Variants in FAF1 observed in about 807,000 individuals in gnomAD.
FAF1 encodes the protein FAS-associated factor 1.
Under a neutral mutation model 92.5 loss-of-function variants are expected in FAF1, and 25 were observed. That is an observed-to-expected ratio of 0.27 (90% CI 0.20 to 0.38). The LOEUF is 0.38. FAF1 is among the 10% of genes least tolerant of loss of function. The probability of loss-of-function intolerance (pLI) is 1.00; values close to 1 mark genes in which losing one functional copy is unlikely to be tolerated. For missense variants in FAF1, 636 were observed against 793.3 expected, an observed-to-expected ratio of 0.80 and a Z score of 2.38; for synonymous variants, 234 against 273.2, an observed-to-expected ratio of 0.86 and a Z score of 1.42.
At chr1:50,508,913 A>C (rs903703556) in intron 15 of FAF1, among the ~76,000 whole-genome samples, 1 of 152,166 alleles carries the variant, frequency 6.6e-6, no homozygotes, top group Non-Finnish European at 1.5e-5. Context: ...CATGTTGGCC[A>C]AGCTGGTCTC....
chr1:50,670,277 G>C (rs549513091), intron 7 of FAF1, among the ~76,000 whole-genome samples: 28 of 152,034 alleles, frequency 1.8e-4, no homozygotes, highest in Admixed American at 1.8e-3. Flanking sequence ...TTGTAGCGAT[G>C]GGATTTCGCC....
chr1:50,730,976 G>A (rs1258937194), intron 6 of FAF1, among the ~76,000 whole-genome samples: 1 of 152,166 alleles, frequency 6.6e-6, no homozygotes, highest in Non-Finnish European at 1.5e-5. Flanking sequence ...GCTTCCTATT[G>A]TGTTATATTG....
intron 6 of FAF1, among the ~76,000 whole-genome samples, chr1:50,709,959 G>A (rs951455660): frequency 1.3e-5 from 2 of 152,164 alleles, no homozygotes; most frequent in African/African-American, 4.8e-5. Context: ...GTTCAGAAAC[G>A]ACGATGGGGG....
chr1:50,914,203 G>C (rs1317423225), intron 1 of FAF1, among the ~76,000 whole-genome samples: 1 of 152,062 alleles, frequency 6.6e-6, no homozygotes, highest in East Asian at 1.9e-4. Flanking sequence ...ATCAGAACCT[G>C]GTATTAACAG....
At chr1:50,532,691 T>C (rs1448116303) in intron 15 of FAF1, among the ~76,000 whole-genome samples, 3 of 152,188 alleles carry the variant, frequency 2.0e-5, no homozygotes, top group Non-Finnish European at 2.9e-5. Context: ...TTTATAGCAA[T>C]AGAAGATACC....
intron 1 of FAF1, among the ~76,000 whole-genome samples, chr1:50,941,487 G>C (rs919250788): frequency 1.3e-5 from 2 of 152,142 alleles, no homozygotes; most frequent in African/African-American, 4.8e-5. Context: ...AAACTGTTGA[G>C]ATTACAGGCA....
intron 8 of FAF1, among the ~76,000 whole-genome samples, chr1:50,645,326 T>C (rs543556963): frequency 6.2e-4 from 94 of 152,356 alleles, no homozygotes; most frequent in African/African-American, 2.2e-3. Flanking sequence ...GTGTATGCAA[T>C]ATAAAGAAGG....
chr1:50,634,497 C>T (rs1385265449), intron 8 of FAF1, among the ~76,000 whole-genome samples: 1 of 152,100 alleles, frequency 6.6e-6, no homozygotes, highest in Non-Finnish European at 1.5e-5. Context: ...AACACAAATG[C>T]CAGAGATTAA....
intron 1 of FAF1, among the ~76,000 whole-genome samples, chr1:50,906,346 T>C (rs1049518277): frequency 1.3e-5 from 2 of 152,256 alleles, no homozygotes; most frequent in Admixed American, 1.3e-4. Context: ...GGCTTACTAT[T>C]GTCTTGGCAA....
intron 17 of FAF1, among the ~76,000 whole-genome samples, chr1:50,481,801 T>A (rs1646707135): frequency 6.6e-6 from 1 of 151,802 alleles, no homozygotes; most frequent in African/African-American, 2.4e-5. Context: ...CTAAAAGAAG[T>A]ATATTATAGG....
intron 6 of FAF1, among the ~76,000 whole-genome samples, chr1:50,713,944 T>C (rs1658061277): frequency 6.6e-6 from 1 of 151,480 alleles, no homozygotes; most frequent in Non-Finnish European, 1.5e-5. Flanking sequence ...CTAATTTTTT[T>C]GTATTTTTAG....
chr1:50,575,494 A>G (rs1477968779), intron 12 of FAF1, among the ~76,000 whole-genome samples: 5 of 152,222 alleles, frequency 3.3e-5, no homozygotes, highest in African/African-American at 1.2e-4. Context: ...AGCATTTAAT[A>G]AATAGTGGTT....
chr1:50,913,340 A>G (rs1448861336), intron 1 of FAF1, among the ~76,000 whole-genome samples: 1 of 152,232 alleles, frequency 6.6e-6, no homozygotes, highest in Non-Finnish European at 1.5e-5. Context: ...TAATTGCCTC[A>G]TCATCCGTAC....
intron 8 of FAF1, among the ~76,000 whole-genome samples, chr1:50,598,878 G>A (rs1193525298): frequency 2.0e-5 from 3 of 152,074 alleles, no homozygotes; most frequent in Admixed American, 6.5e-5. Context: ...GCTGAGGCAG[G>A]AGAATTGCTT....
intron 1 of FAF1, among the ~76,000 whole-genome samples, chr1:50,903,518 T>C (rs114614699): frequency 8.2e-4 from 125 of 152,322 alleles, no homozygotes; most frequent in Non-Finnish European, 1.2e-3. Flanking sequence ...CTTTAGTATA[T>C]GTATAAATTA....
At chr1:50,934,477 C>G (rs971666218) in intron 1 of FAF1, among the ~76,000 whole-genome samples, 1 of 152,156 alleles carries the variant, frequency 6.6e-6, no homozygotes, top group Admixed American at 6.5e-5. Flanking sequence ...AATTCTAGCA[C>G]TTTGGGAGGC....
At chr1:50,617,694 T>G (rs1317517709) in intron 8 of FAF1, among the ~76,000 whole-genome samples, 1 of 85,188 alleles carries the variant, frequency 1.2e-5, no homozygotes, top group Non-Finnish European at 2.3e-5. Flanking sequence ...TCCTCTTCTG[T>G]TTTTTTTTTT....
intron 7 of FAF1, among the ~76,000 whole-genome samples, chr1:50,701,862 C>G (rs1027664690): frequency 6.6e-6 from 1 of 151,974 alleles, no homozygotes; most frequent in Non-Finnish European, 1.5e-5. Context: ...CCCTTTCATG[C>G]CATTAAGAAC....
intron 12 of FAF1, among the ~76,000 whole-genome samples, chr1:50,576,637 C>A (rs1414962967): frequency 1.8e-4 from 27 of 146,714 alleles, no homozygotes; most frequent in Admixed American, 1.6e-3. Flanking sequence ...CGCACCGCCC[C>A]CCCCCCGCCA....
Sources: gnomAD v4.1 joint callset for allele counts (sites outside exome capture counted in the v4.1 genomes callset) on GRCh38, gnomAD v4.1.1 for gene constraint, MANE v1.5 for transcripts, NCBI Gene and HGNC (gene_info 2026-07-23, HGNC 2026-07-21) for gene names.